The following CD200R1L variants were observed in gnomAD, a reference collection of about 807,000 sequenced individuals.
CD200R1L encodes CD200 receptor 1 like.
A neutral mutation model predicts 24.8 loss-of-function variants in CD200R1L; 14 were observed. The observed-to-expected ratio is 0.56, with a 90% CI of 0.37 to 0.88. The LOEUF is 0.88. Among genes scored for constraint, CD200R1L ranks in the 40% least tolerant of loss-of-function variants. The probability of loss-of-function intolerance (pLI) is 0.00; values close to 1 mark genes in which losing one functional copy is unlikely to be tolerated. For synonymous variants in CD200R1L, 111 were observed against 109.2 expected (o/e 1.02, Z -0.11); for missense variants, 299 against 297.8 (o/e 1.00, Z -0.03).
At chr3:112,836,015 C>G (rs187808823) in intron 3 of CD200R1L, among the ~76,000 whole-genome samples, 1 of 152,246 alleles carries the variant, frequency 6.6e-6, no homozygotes, top group African/African-American at 2.4e-5. Context: ...CCCAGCCAAC[C>G]CTGCACAAAT....
At chr3:112,836,574 T>A (rs1938953722) in intron 3 of CD200R1L, among the ~76,000 whole-genome samples, 1 of 152,234 alleles carries the variant, frequency 6.6e-6, no homozygotes, top group Non-Finnish European at 1.5e-5. Flanking sequence ...TGTGGATGTA[T>A]CCTTGATCCT....
At chr3:112,841,213 T>A (rs1240222874) in intron 2 of CD200R1L, 1 of 425,742 alleles carries the variant, frequency 2.3e-6, no homozygotes, top group Admixed American at 2.5e-5. Context: ...TCTCACAAGA[T>A]CTGCTTGTTT....
intron 7 of CD200R1L, among the ~76,000 whole-genome samples, chr3:112,818,221 T>C (rs926708374): frequency 1.3e-4 from 20 of 152,364 alleles, no homozygotes; most frequent in Non-Finnish European, 1.3e-4. Context: ...GATTACCATC[T>C]GTATCAAGTG....
intron 2 of CD200R1L, among the ~76,000 whole-genome samples, chr3:112,839,113 A>G (rs946083962): frequency 6.6e-6 from 1 of 152,006 alleles, no homozygotes; most frequent in South Asian, 2.1e-4. Flanking sequence ...CATACTTTCT[A>G]CTCATTACGT....
At chr3:112,829,949 T>C (rs1311810850) in intron 3 of CD200R1L, among the ~76,000 whole-genome samples, 1 of 152,168 alleles carries the variant, frequency 6.6e-6, no homozygotes, top group Non-Finnish European at 1.5e-5. Flanking sequence ...CCCAGTGACA[T>C]GAACTCCCAA....
chr3:112,839,949 G>T (rs1939041731), intron 2 of CD200R1L, among the ~76,000 whole-genome samples: 1 of 152,102 alleles, frequency 6.6e-6, no homozygotes, highest in South Asian at 2.1e-4. Context: ...TTGAGTCCCT[G>T]CAGGGCCCAA....
At chr3:112,832,078 A>C (rs1938815164) in intron 3 of CD200R1L, among the ~76,000 whole-genome samples, 1 of 152,216 alleles carries the variant, frequency 6.6e-6, no homozygotes, top group Non-Finnish European at 1.5e-5. Context: ...CCACACTTTG[A>C]GAACTGTTGC....
At chr3:112,822,652 T>A (rs1938563740) in intron 6 of CD200R1L, among the ~76,000 whole-genome samples, 1 of 152,168 alleles carries the variant, frequency 6.6e-6, no homozygotes, top group Non-Finnish European at 1.5e-5. Flanking sequence ...TGTCTGTTCC[T>A]GAGTTGGACA....
intron 4 of CD200R1L, 140 bp downstream of exon 4, chr3:112,829,179 C>G: frequency 1.6e-6 from 1 of 616,708 alleles, no homozygotes; most frequent in East Asian, 2.8e-5. Context: ...CATTCAGGGT[C>G]CTTCGTACCA....
chr3:112,845,312 T>C (rs1235070906), intron 2 of CD200R1L, among the ~76,000 whole-genome samples: 1 of 152,134 alleles, frequency 6.6e-6, no homozygotes, highest in East Asian at 1.9e-4. Context: ...TTCCTGAAAA[T>C]ACACAACCTC....
Position 112,820,046 on chromosome 3 carries a change from C to T in CD200R1L, c.617-151G>A. 4.6e-6 allele frequency: 3 copies of T among 655,984 alleles called. No individual in the cohort carries two copies. In the South Asian group the frequency reaches 9.4e-5, roughly 21 times the overall value. The allele number at this position is 655,984 out of a possible 1,614,324, so 40.6% of individuals were successfully genotyped here. ...CTTCTAAATTATGACTCAAATGTTA[C>T]TAATATACCATTCTTTCATGACAGA... On this transcript the variant is annotated intron_variant, in intron 6 of 7. Coordinates refer to ENST00000488794, the MANE Select transcript of CD200R1L (RefSeq NM_001199215.3).
At chr3:112,833,359 A>T (rs1002255131) in intron 3 of CD200R1L, among the ~76,000 whole-genome samples, 3 of 152,230 alleles carry the variant, frequency 2.0e-5, no homozygotes, top group Admixed American at 6.5e-5. Context: ...GGAGCCTCAG[A>T]CAAGTCCAGT....
chr3:112,819,074 G>A (rs1938468202), intron 7 of CD200R1L, among the ~76,000 whole-genome samples: 1 of 152,208 alleles, frequency 6.6e-6, no homozygotes. Flanking sequence ...GCAGACTGGA[G>A]AGTGAGCAGG....
chr3:112,816,202 G>A (rs1390550629), intron 7 of CD200R1L, among the ~76,000 whole-genome samples: 1 of 152,104 alleles, frequency 6.6e-6, no homozygotes, highest in African/African-American at 2.4e-5. Flanking sequence ...TTATATGCCT[G>A]GGATCAAGTG....
intron 6 of CD200R1L, among the ~76,000 whole-genome samples, chr3:112,826,748 T>A (rs1233216841): frequency 5.3e-5 from 8 of 152,178 alleles, no homozygotes; most frequent in Non-Finnish European, 1.0e-4. Context: ...ATAAAACTCT[T>A]GATATTTCAT....
chr3:112,827,402 C>T lies in CD200R1L; in HGVS notation c.332G>A (p.Gly111Glu). 3.7e-6 allele frequency: 6 copies of T among 1,614,006 alleles called. No homozygotes were observed. The highest frequency in any genetic ancestry group is 5.1e-6 in the Non-Finnish European group (6 of 1,179,976). Residue 111 changes from glycine (G) to glutamate (E), a missense_variant, in exon 5 of 8, where the codon GGG becomes GAG. Gly to Glu is a moderately conservative substitution (Grantham distance 98, BLOSUM62 -2). Coordinates refer to ENST00000488794, the MANE Select transcript of CD200R1L (RefSeq NM_001199215.3). ...YYRGIVVTPD[G>E]NFHRGYHLQV... Reference sequence around the variant, plus strand: ...GAGGTGATATCCACGATGGAAATTCCCATCAGGTGTTACCACTATGCCTCT... The same window carrying T: ...GAGGTGATATCCACGATGGAAATTCTCATCAGGTGTTACCACTATGCCTCT...
At chr3:112,829,770 T>C (rs942796364) in intron 3 of CD200R1L, among the ~76,000 whole-genome samples, 6 of 152,234 alleles carry the variant, frequency 3.9e-5, no homozygotes, top group Non-Finnish European at 8.8e-5. Context: ...CATCTTTAAA[T>C]GAAATTTCTC....
At position 112,827,028 on chromosome 3, in the gene CD200R1L, G is replaced by A. The variant is rs61740125; in HGVS notation, c.581C>T (p.Thr194Ile). Reference protein sequence around the residue: ...STVTCHVSHLTGNKSLSVKLN... With the variant: ...STVTCHVSHLIGNKSLSVKLN... ...CTTTACGGACAGACTCTTGTTGCCAGTCAAATGGGAGACATGGCAGGTCAC... is the reference window on the plus strand; with the variant it reads ...CTTTACGGACAGACTCTTGTTGCCAATCAAATGGGAGACATGGCAGGTCAC... Residue 194 changes from threonine to isoleucine, a missense_variant, in exon 6 of 8, where the codon ACT (threonine) becomes ATT (isoleucine). Thr to Ile is a moderately conservative substitution (Grantham distance 89). Coordinates refer to ENST00000488794, the MANE Select transcript of CD200R1L (RefSeq NM_001199215.3). 6.8e-3 allele frequency: 10,891 copies of A among 1,612,110 alleles called. 383 individuals carry two copies. The African/African-American group carries it at 0.09, about 13-fold the overall frequency.
At chr3:112,829,700 A>T (rs949965826) in intron 3 of CD200R1L, 1 of 189,700 alleles carries the variant, frequency 5.3e-6, no homozygotes, top group Non-Finnish European at 9.8e-6. Context: ...AGATGGGTCC[A>T]TGTGGGCATC....
Sources: gnomAD v4.1 joint callset for allele counts (sites outside exome capture counted in the v4.1 genomes callset) on GRCh38, gnomAD v4.1.1 for gene constraint, MANE v1.5 for transcripts, NCBI Gene and HGNC (gene_info 2026-07-23, HGNC 2026-07-21) for gene names.